ZC3H12B: variants seen among roughly 807,000 people sequenced by gnomAD.
ZC3H12B encodes probable ribonuclease ZC3H12B.
In ZC3H12B, 7 loss-of-function variants were observed where a neutral mutation model predicts 43.9. That is an observed-to-expected ratio of 0.16 (90% CI 0.09 to 0.30). The LOEUF (loss-of-function observed/expected upper bound fraction) is 0.30, where lower values mean the gene tolerates loss of function less well. ZC3H12B is among the 10% of genes least tolerant of loss of function. ZC3H12B has a pLI of 1.00. For missense variants in ZC3H12B, 475 were observed against 670.2 expected (o/e 0.71, Z 3.22); for synonymous variants, 222 against 241.7 (o/e 0.92, Z 0.76).
intron 3 of ZC3H12B, among the ~76,000 whole-genome samples, chrX:65,401,140 C>G (rs961983383): frequency 9.1e-6 from 1 of 110,095 alleles, no homozygotes; most frequent in African/African-American, 3.3e-5. Flanking sequence ...CTCATAATAC[C>G]TGGTTTTAAC....
the ZC3H12B span, among the ~76,000 whole-genome samples, chrX:65,247,485 C>T: frequency 6.2e-5 from 7 of 112,438 alleles, no homozygotes; most frequent in East Asian, 2.8e-4. Flanking sequence ...ATGGGATCAA[C>T]CTAAATGCCT....
At chrX:65,102,621 G>A in the ZC3H12B span, among the ~76,000 whole-genome samples, 1 of 111,873 alleles carries the variant, frequency 8.9e-6, no homozygotes, top group African/African-American at 3.3e-5. Flanking sequence ...AATCATGAGT[G>A]AACTCCCATT....
the ZC3H12B span, among the ~76,000 whole-genome samples, chrX:65,231,119 G>A: frequency 9.0e-6 from 1 of 110,977 alleles, no homozygotes; most frequent in African/African-American, 3.3e-5. Context: ...TGGGCCTCCG[G>A]AGGTGCCATC....
chrX:65,332,676 A>G, the ZC3H12B span, among the ~76,000 whole-genome samples: 4 of 111,751 alleles, frequency 3.6e-5, no homozygotes, highest in Non-Finnish European at 5.7e-5. Context: ...GAAATAAGCA[A>G]TCAGTCTAAA....
At chrX:65,057,417 C>G in the ZC3H12B span, among the ~76,000 whole-genome samples, 2 of 111,875 alleles carry the variant, frequency 1.8e-5, no homozygotes, top group Admixed American at 9.5e-5. Context: ...GGCCCCCACT[C>G]TCTTCTGGCT....
chrX:65,103,855 G>C, the ZC3H12B span, among the ~76,000 whole-genome samples: 1 of 111,463 alleles, frequency 9.0e-6, no homozygotes, highest in Non-Finnish European at 1.9e-5. Flanking sequence ...CAAAGTATTT[G>C]TAGATTCAAT....
In ZC3H12B at chrX:65,366,643, A is replaced by G. The variant is rs1451036850; in HGVS notation, n.6A>G. 4 of 111,824 alleles carry G rather than the reference A, an allele frequency of 3.6e-5. No homozygotes were observed. Among genetic ancestry groups the G allele is most frequent in the Admixed American group, 1.9e-4 (2 of 10,508 alleles). 9.2% of individuals were successfully genotyped at this position (111,824 alleles called of 1,213,427 possible). ...TGTTTTTACCCCTCTACAAGGAAAT[A>G]GACTAAATAGCCAAGTTGCAAGATA... On this transcript the variant is annotated non_coding_transcript_exon_variant, in exon 1 of 6. The change creates a new upstream start codon in the 5' untranslated region. Transcript: ENST00000617377.
chrX:65,237,012 A>G, the ZC3H12B span, among the ~76,000 whole-genome samples: 1 of 111,957 alleles, frequency 8.9e-6, no homozygotes, highest in African/African-American at 3.2e-5. Flanking sequence ...TTTGCTTAGA[A>G]TTGCTGTGGC....
chrX:65,053,866 G>C, the ZC3H12B span, among the ~76,000 whole-genome samples: 2 of 112,006 alleles, frequency 1.8e-5, no homozygotes, highest in South Asian at 7.5e-4. Flanking sequence ...CAGTGATGAT[G>C]AGCATTTTTT....
intron 2 of ZC3H12B, among the ~76,000 whole-genome samples, chrX:65,373,554 T>C (rs1311399325): frequency 9.1e-6 from 1 of 109,495 alleles, no homozygotes; most frequent in Non-Finnish European, 1.9e-5. Flanking sequence ...TGGAATACTA[T>C]GCAGCCATAA....
At chrX:65,489,473 T>G in intron 1 of ZC3H12B, 64 bp downstream of exon 6, 1 of 1,111,753 alleles carries the variant, frequency 9.0e-7, no homozygotes, top group Non-Finnish European at 1.2e-6. Context: ...GAAATTTTCT[T>G]CCTTTGCAAA....
At chrX:65,171,924 T>C in the ZC3H12B span, among the ~76,000 whole-genome samples, 1 of 111,839 alleles carries the variant, frequency 8.9e-6, no homozygotes, top group Non-Finnish European at 1.9e-5. Context: ...ATCCCAATTT[T>C]CGAGGTACCA....
intron 3 of ZC3H12B, among the ~76,000 whole-genome samples, chrX:65,410,647 T>C (rs1253478508): frequency 9.1e-6 from 1 of 109,992 alleles, no homozygotes; most frequent in South Asian, 3.7e-4. Context: ...CAAAAAAAAA[T>C]AGCAAAAGAT....
the ZC3H12B span, among the ~76,000 whole-genome samples, chrX:65,192,250 TGTG>T: frequency 9.0e-6 from 1 of 111,225 alleles, no homozygotes; most frequent in Non-Finnish European, 1.9e-5. Flanking sequence ...ATAGGTGTGG[TGTG>T]GTGCTGAAAA....
chrX:65,133,651 A>G, the ZC3H12B span, among the ~76,000 whole-genome samples: 529 of 111,054 alleles, frequency 4.8e-3, 3 homozygotes, highest in African/African-American at 0.016. Flanking sequence ...AGGGGAGGTG[A>G]TAAAAGGATT....
the ZC3H12B span, among the ~76,000 whole-genome samples, chrX:65,087,133 A>G: frequency 1.8e-5 from 2 of 110,278 alleles, no homozygotes; most frequent in Non-Finnish European, 3.8e-5. Context: ...GATACCCACA[A>G]TAGGTGCGTT....
intron 3 of ZC3H12B, among the ~76,000 whole-genome samples, chrX:65,415,634 C>G (rs2066951465): frequency 8.9e-6 from 1 of 111,885 alleles, no homozygotes; most frequent in Non-Finnish European, 1.9e-5. Flanking sequence ...GACTTCCCAT[C>G]ATGGCCTGAA....
the ZC3H12B span, among the ~76,000 whole-genome samples, chrX:65,257,626 A>T: frequency 9.0e-6 from 1 of 111,215 alleles, no homozygotes; most frequent in Non-Finnish European, 1.9e-5. Flanking sequence ...ACCTTTAAAA[A>T]AAAATAGACT....
At chrX:65,101,498 G>A in the ZC3H12B span, among the ~76,000 whole-genome samples, 19 of 111,657 alleles carry the variant, frequency 1.7e-4, no homozygotes, top group African/African-American at 5.9e-4. Flanking sequence ...CCACTAGCTA[G>A]ACTAATAAAG....
Sources: gnomAD v4.1 joint callset for allele counts (sites outside exome capture counted in the v4.1 genomes callset) on GRCh38, gnomAD v4.1.1 for gene constraint, MANE v1.5 for transcripts, NCBI Gene and HGNC (gene_info 2026-07-23, HGNC 2026-07-21) for gene names.